Variants in NOP14 observed in about 807,000 individuals in gnomAD.
NOP14 encodes nucleolar protein 14.
Under a neutral mutation model 101.6 loss-of-function variants are expected in NOP14, and 57 were observed. The observed-to-expected ratio is 0.56, with a 90% CI of 0.45 to 0.70. The LOEUF (loss-of-function observed/expected upper bound fraction) is 0.70, where lower values mean the gene tolerates loss of function less well. Ranked by LOEUF, NOP14 falls within the 30% of genes least tolerant of loss-of-function variation. The pLI, the probability that NOP14 is intolerant of heterozygous loss-of-function variation, is 0.00. For synonymous variants in NOP14, 428 were observed against 424.0 expected, an observed-to-expected ratio of 1.01 and a Z score of -0.12; for missense variants, 1,134 against 1,075.5, an observed-to-expected ratio of 1.05 and a Z score of -0.76.
intron 13 of NOP14, among the ~76,000 whole-genome samples, chr4:2,943,493 G>C (rs1714378466): frequency 6.6e-6 from 1 of 152,192 alleles, no homozygotes; most frequent in Non-Finnish European, 1.5e-5. Context: ...TCAGGGGAAG[G>C]GGGAGGAGCA....
At chr4:2,940,907 T>C (rs1162049141) in intron 15 of NOP14, 1 of 153,108 alleles carries the variant, frequency 6.5e-6, no homozygotes, top group Non-Finnish European at 1.5e-5. Context: ...AGGGCTGTGC[T>C]GGTGGTGCGG....
In NOP14 at chr4:2,946,469, A is replaced by G. The variant is rs764495067; in HGVS notation, c.1578T>C (p.His526=). 16 of 1,613,780 alleles carry G rather than the reference A, an allele frequency of 9.9e-6. No homozygotes were observed. In the African/African-American group the frequency reaches 2.0e-4, roughly 20 times the overall value. ...TGGTCTCAATCATTTCTTCCATCTC[A>G]TGCATCGCATCTCGGAGAACAAATT... ...AIKFVLRDAM[H]EMEEMIETKG... The change falls in exon 11 of 18, where the codon CAT becomes CAC. Residue 526 remains histidine, a synonymous_variant. Coordinates refer to ENST00000416614, the MANE Select transcript of NOP14 (RefSeq NM_001291978.2).
At chr4:2,956,084 T>TC (rs1459903222) in intron 3 of NOP14, among the ~76,000 whole-genome samples, 1 of 152,244 alleles carries the variant, frequency 6.6e-6, no homozygotes, top group Non-Finnish European at 1.5e-5. Flanking sequence ...TTCAAGACAG[T>TC]CAGACCCGAA....
intron 1 of NOP14, among the ~76,000 whole-genome samples, chr4:2,961,144 C>A (rs58764347): frequency 6.0e-4 from 6 of 9,926 alleles, no homozygotes; most frequent in East Asian, 3.3e-3. Flanking sequence ...TATTAATATA[C>A]TAATATAATA....
chr4:2,941,145 G>C (rs1490309201), intron 15 of NOP14: 1 of 169,930 alleles, frequency 5.9e-6, no homozygotes, highest in African/African-American at 2.4e-5. Context: ...TAGAGGACAG[G>C]ATGTGCCATC....
chr4:2,938,866 A>G lies in NOP14; in HGVS notation c.2539T>C (p.Trp847Arg), dbSNP rs1713897473. 3 of 1,614,100 alleles carry G rather than the reference A, an allele frequency of 1.9e-6. No homozygotes were observed. Among genetic ancestry groups the G allele is most frequent in the Non-Finnish European group, 2.5e-6 (3 of 1,179,984 alleles). ...FNSLATQEGE[W>R]KALKRKKFKK Reference sequence around the variant, plus strand: ...AACTTTTTCCTCTTCAGAGCCTTCCATTCGCCTTCCTGTGTAGCCAGGCTG... The same window carrying G: ...AACTTTTTCCTCTTCAGAGCCTTCCGTTCGCCTTCCTGTGTAGCCAGGCTG... Residue 847 changes from tryptophan (W) to arginine (R), a missense_variant, in exon 18 of 18, where the codon TGG becomes CGG. Physicochemically the swap from Trp to Arg is moderately radical, Grantham distance 101. Transcript: ENST00000416614.
rs1284651327 is a variant in NOP14 at position 2,956,741 on chromosome 4, A to T, written c.401T>A (p.Leu134Ter). ...GTCATTATGCTTCTCGATGTCTGCCAAAGACTGGCCATAATGAGTCAATTC... is the reference window on the plus strand; with the variant it reads ...GTCATTATGCTTCTCGATGTCTGCCTAAGACTGGCCATAATGAGTCAATTC... ...DEELTHYGQS[L>*]ADIEKHNDIV... Residue 134 changes from leucine to a stop codon, truncating the protein, a stop_gained, in exon 3 of 18, where the codon TTG (leucine) becomes TAG (stop). Coordinates refer to ENST00000416614, the MANE Select transcript of NOP14 (RefSeq NM_001291978.2). LOFTEE classifies it high-confidence loss of function. 6.2e-7 allele frequency: 1 copy of T among 1,613,660 alleles called. No homozygotes were observed. The highest frequency in any genetic ancestry group is 8.5e-7 in the Non-Finnish European group (1 of 1,179,846).
At chr4:2,946,945 C>G (rs1487362384) in intron 10 of NOP14, 1 of 242,448 alleles carries the variant, frequency 4.1e-6, no homozygotes, top group Non-Finnish European at 8.1e-6. Flanking sequence ...GGGCAGGAAG[C>G]TGGTGTGCAC....
chr4:2,959,379 TTAG>T (rs1436752826), intron 1 of NOP14, among the ~76,000 whole-genome samples: 1 of 152,172 alleles, frequency 6.6e-6, no homozygotes. Context: ...GATCACGAGG[TTAG>T]AAGATCAAGA....
At chr4:2,958,077 T>C (rs1032595716) in intron 1 of NOP14, among the ~76,000 whole-genome samples, 4 of 152,118 alleles carry the variant, frequency 2.6e-5, no homozygotes, top group Non-Finnish European at 5.9e-5. Context: ...ACGTGCACAT[T>C]TGGAAAAGTG....
intron 9 of NOP14, 60 bp from the exon 10 acceptor site, chr4:2,947,671 G>A: frequency 7.4e-7 from 1 of 1,344,086 alleles, no homozygotes; most frequent in Non-Finnish European, 1.1e-6. Flanking sequence ...CAAAGCCACA[G>A]GCACACAGCT....
At position 2,945,163 on chromosome 4, in the gene NOP14, G is replaced by C. The variant is rs1173149199; in HGVS notation, c.1702C>G (p.Pro568Ala). 1.3e-6 allele frequency: 2 copies of C among 1,593,372 alleles called. No homozygotes were observed. Among genetic ancestry groups the C allele is most frequent in the Non-Finnish European group, 1.7e-6 (2 of 1,169,812 alleles). Reference protein sequence around the residue: ...TSDFWHPVVTPALVCLSQLLT... With the variant: ...TSDFWHPVVTAALVCLSQLLT... Reference sequence around the variant, plus strand: ...AGCTGACTGAGGCACACGAGGGCAGGGGTCACCACTGGGTGCCAGAAGTCG... The same window carrying C: ...AGCTGACTGAGGCACACGAGGGCAGCGGTCACCACTGGGTGCCAGAAGTCG... The change falls in exon 12 of 18, where the codon CCT becomes GCT. Residue 568 changes from proline to alanine, a missense_variant. By Grantham distance (27) the Pro-to-Ala change is conservative. Coordinates refer to ENST00000416614, the MANE Select transcript of NOP14 (RefSeq NM_001291978.2).
chr4:2,955,843 C>T (rs1024706674), intron 3 of NOP14, among the ~76,000 whole-genome samples: 29 of 152,228 alleles, frequency 1.9e-4, no homozygotes, highest in African/African-American at 7.0e-4. Flanking sequence ...GGGTTCTGCA[C>T]CACATGCTTG....
chr4:2,942,983 C>G (rs1577823427), intron 13 of NOP14, among the ~76,000 whole-genome samples: 1 of 152,208 alleles, frequency 6.6e-6, no homozygotes, highest in South Asian at 2.1e-4. Flanking sequence ...AGGCCCCGCC[C>G]CACACTTCCC....
intron 6 of NOP14, among the ~76,000 whole-genome samples, chr4:2,951,969 T>C (rs1248952204): frequency 6.6e-6 from 1 of 152,002 alleles, no homozygotes. Context: ...TAGCCGGGCG[T>C]GGTGGCAGGC....
At position 2,945,108 on chromosome 4, in the gene NOP14, C is replaced by G; in HGVS notation, c.1737+20G>C. ...CGTGGTGCAGCAGGCCGACCCCTGC[C>G]GCATGTGGAGAGAACGCACCTTGGT... On this transcript the variant is annotated intron_variant, in intron 12 of 17. Transcript: ENST00000416614. The G allele has an allele frequency of 6.5e-7, 1 of 1,539,594 alleles. No homozygotes were observed.
intron 3 of NOP14, among the ~76,000 whole-genome samples, chr4:2,954,931 C>T (rs923071154): frequency 6.6e-6 from 1 of 152,048 alleles, no homozygotes; most frequent in African/African-American, 2.4e-5. Context: ...CAATCTGTGT[C>T]CCTCCCACCT....
intron 8 of NOP14, 98 bp downstream of exon 8, chr4:2,949,836 C>G: frequency 5.6e-6 from 8 of 1,421,232 alleles, no homozygotes; most frequent in Non-Finnish European, 7.8e-6. Context: ...GGTCCCCATT[C>G]CACAAATGCA....
At chr4:2,940,071 G>A (rs1714037698) in intron 15 of NOP14, among the ~76,000 whole-genome samples, 1 of 152,236 alleles carries the variant, frequency 6.6e-6, no homozygotes, top group Non-Finnish European at 1.5e-5. Context: ...TCTGCCGCGG[G>A]GGGCCGTGTG....
Sources: allele counts gnomAD v4.1 joint callset (sites outside exome capture counted in the v4.1 genomes callset), GRCh38; gene constraint gnomAD v4.1.1; transcripts MANE v1.5; gene names NCBI Gene and HGNC (gene_info 2026-07-23, HGNC 2026-07-21).